The following JCAD variants were observed in gnomAD, a reference collection of about 807,000 sequenced individuals.
JCAD encodes the protein junctional cadherin 5 associated.
JCAD carries 40 observed loss-of-function variants against 98.0 expected under a neutral mutation model. That is an observed-to-expected ratio of 0.41 (90% CI 0.32 to 0.53). JCAD has a LOEUF of 0.53. JCAD is among the 20% of genes least tolerant of loss of function. The probability of loss-of-function intolerance (pLI) is 0.31; values close to 1 mark genes in which losing one functional copy is unlikely to be tolerated. For synonymous variants in JCAD, 691 were observed against 682.3 expected (o/e 1.01, Z -0.20); for missense variants, 1,705 against 1,738.1 (o/e 0.98, Z 0.34).
rs368729847 is a variant in JCAD, at chr10:30,028,800, C to T, written c.1348G>A (p.Asp450Asn). ...QGFCEDIKLD[D>N]KSYNSSPVTA... Reference sequence around the variant, plus strand: ...ACAGGACTGGAGTTATATGATTTATCGTCAAGCTTTATGTCTTCACAGAAA... The same window carrying T: ...ACAGGACTGGAGTTATATGATTTATTGTCAAGCTTTATGTCTTCACAGAAA... Residue 450 changes from aspartate to asparagine, a missense_variant, in exon 3 of 4, where the codon GAT becomes AAT. By Grantham distance (23) the Asp-to-Asn change is conservative (BLOSUM62 1). Around this residue, in one of 3 missense-constraint regions of JCAD, gnomAD observed 1,278 missense variants for 1,243.1 expected, o/e 1.03. Transcript: ENST00000375377. 3.0e-5 allele frequency: 48 copies of T among 1,614,088 alleles called. No homozygotes were observed. Among genetic ancestry groups the T allele is most frequent in the Admixed American group, 1.0e-4 (6 of 60,006 alleles).
intron 1 of JCAD, among the ~76,000 whole-genome samples, chr10:30,108,500 A>C (rs1430434358): frequency 6.6e-6 from 1 of 152,198 alleles, no homozygotes; most frequent in East Asian, 1.9e-4. Context: ...GAAAGATTGC[A>C]GGAACAGAAC....
chr10:30,049,138 T>G (rs1380139096), intron 1 of JCAD, among the ~76,000 whole-genome samples: 1 of 152,232 alleles, frequency 6.6e-6, no homozygotes, highest in Non-Finnish European at 1.5e-5. Flanking sequence ...CCTTTGATGA[T>G]AAGGCGTAAG....
At chr10:30,064,965 C>T (rs1329819264) in intron 2 of JCAD, among the ~76,000 whole-genome samples, 3 of 152,190 alleles carry the variant, frequency 2.0e-5, no homozygotes, top group Non-Finnish European at 2.9e-5. Context: ...CCACCGTGCC[C>T]GGCCAAAACC....
In JCAD at chr10:30,066,370, C is replaced by G. The variant is rs144926462; in HGVS notation, n.250+3330G>C. Among the ~76,000 whole-genome samples the G allele has an allele frequency of 1.8e-3, 268 of 152,288 alleles. 1 individual carries two copies. The highest frequency in any genetic ancestry group is 5.9e-3 in the African/African-American group (246 of 41,566). On this transcript the variant is annotated intron_variant and non_coding_transcript_variant, in intron 2 of 2. Transcript: ENST00000465712. ...CTCTCCTCGTGTCAGCTTGTTCTCA[C>G]GTAAAGCCACATATTAATGGAAAAC...
At chr10:30,101,896 T>A (rs1013714165) in intron 1 of JCAD, among the ~76,000 whole-genome samples, 1 of 152,206 alleles carries the variant, frequency 6.6e-6, no homozygotes, top group Non-Finnish European at 1.5e-5. Flanking sequence ...CTAACATACA[T>A]GTACAGTGTT....
intron 1 of JCAD, chr10:30,069,968 T>C (rs548429910): frequency 3.7e-4 from 57 of 152,318 alleles, no homozygotes; most frequent in African/African-American, 1.3e-3. Flanking sequence ...CCAGAACTCA[T>C]TGGTTAGCCT....
At chr10:30,081,859 T>C (rs1346729127) in intron 1 of JCAD, among the ~76,000 whole-genome samples, 1 of 152,220 alleles carries the variant, frequency 6.6e-6, no homozygotes, top group African/African-American at 2.4e-5. Context: ...GCATAGCAGC[T>C]CCTGAAATTA....
rs1306305032 is a variant in JCAD, at chr10:30,026,241, C to G, written c.3907G>C (p.Val1303Leu). ...RGQAGLPGGLVSPGSGDRAQR... is the reference protein window; with the variant it reads ...RGQAGLPGGLLSPGSGDRAQR... The stretch of plus-strand genomic sequence containing the variant: ...GCACGGTCCCCACTGCCAGGAGACA[C>G]AAGGCCTCCCGGGAGCCCGGCCTGG... Residue 1303 changes from valine to leucine, a missense_variant, in exon 3 of 4, where the codon GTG becomes CTG. Coordinates refer to ENST00000375377, the MANE Select transcript of JCAD (RefSeq NM_020848.4). 6.2e-7 allele frequency: 1 copy of G among 1,613,886 alleles called. No individual in the cohort carries two copies. The highest frequency in any genetic ancestry group is 8.5e-7 in the Non-Finnish European group (1 of 1,180,046).
At chr10:30,045,400 A>G (rs1310937741) in intron 2 of JCAD, among the ~76,000 whole-genome samples, 2 of 152,232 alleles carry the variant, frequency 1.3e-5, no homozygotes, top group Non-Finnish European at 2.9e-5. Context: ...AATTGGGGAA[A>G]GAATAAATTG....
chr10:30,028,530 G>C lies in JCAD; in HGVS notation c.1618C>G (p.Gln540Glu), dbSNP rs756837610. The change falls in exon 3 of 4, where the codon CAA becomes GAA. Residue 540 changes from glutamine (Q) to glutamate (E), a missense_variant. This residue lies in a region of JCAD where 1,278 missense variants were observed against 1,243.1 expected (regional missense o/e 1.03). Transcript: ENST00000375377. ...RGSQHGHTGRQVSSPYSQGES... is the reference protein window; with the variant it reads ...RGSQHGHTGREVSSPYSQGES... ...CCCTGTGAGTAAGGGGAGGAAACTTGTCTTCCAGTGTGCCCGTGCTGGCTG... is the reference window on the plus strand; with the variant it reads ...CCCTGTGAGTAAGGGGAGGAAACTTCTCTTCCAGTGTGCCCGTGCTGGCTG... The C allele has an allele frequency of 1.2e-6, 2 of 1,614,214 alleles. No individual in the cohort carries two copies. Among genetic ancestry groups the C allele is most frequent in the East Asian group, 4.5e-5 (2 of 44,878 alleles).
chr10:30,080,291 A>G (rs1194787266), intron 1 of JCAD, among the ~76,000 whole-genome samples: 2 of 152,166 alleles, frequency 1.3e-5, no homozygotes, highest in African/African-American at 4.8e-5. Flanking sequence ...TCAAACAGCA[A>G]CACAGAGAAC....
At chr10:30,042,600 C>CAGATGGGTGGCAATGGGAGGCAG (rs59262006) in intron 2 of JCAD, among the ~76,000 whole-genome samples, 6,198 of 151,584 alleles carry the variant, frequency 0.041, 423 homozygotes, top group African/African-American at 0.14. Flanking sequence ...CGGAGACGCA[C>CAGATGGGTGGCAATGGGAGGCAG]AGATGGGTGG....
At chr10:30,053,520 C>T (rs543665456) in intron 1 of JCAD, among the ~76,000 whole-genome samples, 11 of 148,174 alleles carry the variant, frequency 7.4e-5, no homozygotes, top group African/African-American at 2.7e-4. Flanking sequence ...GATTGTGCCA[C>T]TACACTCCAG....
At position 30,029,242 on chromosome 10, in the gene JCAD, C is replaced by A. The variant is rs1386640087; in HGVS notation, c.906G>T (p.Gln302His). The change falls in exon 3 of 4, where the codon CAG becomes CAT. Residue 302 changes from glutamine to histidine, a missense_variant. By Grantham distance (24) the Gln-to-His change is conservative. Coordinates refer to ENST00000375377, the MANE Select transcript of JCAD (RefSeq NM_020848.4). ...TGCTGTCCGCTCCTCCCCTAGACTG[C>A]TGGTGCGAGCTGTAAGATGGGGGCT... ...PLKPPSYSSH[Q>H]QSRGGADSSD... is the part of the protein sequence containing the mutation. 2 of 1,614,192 alleles carry A rather than the reference C, an allele frequency of 1.2e-6. No individual in the cohort carries two copies. Among genetic ancestry groups the A allele is most frequent in the Admixed American group, 3.3e-5 (2 of 60,018 alleles).
In JCAD at chr10:30,028,755, G is replaced by A. The variant is rs1246994136; in HGVS notation, c.1393C>T (p.His465Tyr). Residue 465 changes from histidine (H) to tyrosine (Y), a missense_variant, in exon 3 of 4, where the codon CAT becomes TAT. This residue lies in a region of JCAD where 1,278 missense variants were observed against 1,243.1 expected (regional missense o/e 1.03). Transcript: ENST00000375377. ...GCACCATCAGGCTGCATTCCTCCAT[G>A]AGCCGGCTCTTGAGCAGTGACAGGA... Reference protein sequence around the residue: ...SSPVTAQEPAHGGMQPDGAIW... With the variant: ...SSPVTAQEPAYGGMQPDGAIW... The A allele has an allele frequency of 1.9e-6, 3 of 1,614,220 alleles. No individual in the cohort carries two copies. The highest frequency in any genetic ancestry group is 1.1e-5 in the South Asian group (1 of 91,082).
At chr10:30,069,763 T>C (rs1837853361) in exon 2 of JCAD, 2 of 152,146 alleles carry the variant, frequency 1.3e-5, no homozygotes, top group Admixed American at 1.3e-4. Flanking sequence ...AAGTCAAGGT[T>C]GCAGTGAACT....
At chr10:30,068,199 G>A (rs1162313258) in intron 2 of JCAD, among the ~76,000 whole-genome samples, 1 of 151,952 alleles carries the variant, frequency 6.6e-6, no homozygotes, top group Admixed American at 6.6e-5. Context: ...GACCAGCCTG[G>A]CCAACATGGC....
intron 1 of JCAD, among the ~76,000 whole-genome samples, chr10:30,049,374 C>T (rs574784757): frequency 5.3e-5 from 8 of 152,302 alleles, no homozygotes; most frequent in African/African-American, 1.4e-4. Flanking sequence ...AAGATGCCTG[C>T]GGCATGTGCT....
upstream of JCAD, among the ~76,000 whole-genome samples, chr10:30,060,265 C>T (rs1174564010): frequency 1.3e-5 from 2 of 152,222 alleles, no homozygotes; most frequent in Non-Finnish European, 2.9e-5. Flanking sequence ...CTGGCCCATA[C>T]TCTCCTGTGG....
Sources: gnomAD v4.1 joint callset for allele counts (sites outside exome capture counted in the v4.1 genomes callset) on GRCh38, gnomAD v4.1.1 for gene constraint, gnomAD v4.1.1 regional missense constraint, MANE v1.5 for transcripts, NCBI Gene and HGNC (gene_info 2026-07-23, HGNC 2026-07-21) for gene names.